SH3D21: variants seen among roughly 807,000 people sequenced by gnomAD.
The protein encoded by SH3D21 is SH3 domain-containing protein 21.
In SH3D21, 83 loss-of-function variants were observed where a neutral mutation model predicts 82.1. That is an observed-to-expected ratio of 1.01 (90% CI 0.85 to 1.21). SH3D21 has a LOEUF of 1.21. Ranked by LOEUF, SH3D21 falls within the 50% of genes most tolerant of loss-of-function variation. The probability of loss-of-function intolerance (pLI) is 0.00; values close to 1 mark genes in which losing one functional copy is unlikely to be tolerated. For missense variants in SH3D21, 980 were observed against 962.1 expected, an observed-to-expected ratio of 1.02 and a Z score of -0.25; for synonymous variants, 383 against 387.8, an observed-to-expected ratio of 0.99 and a Z score of 0.15.
chr1:36,326,600 T>C (rs1646548058), downstream of SH3D21, among the ~76,000 whole-genome samples: 1 of 152,088 alleles, frequency 6.6e-6, no homozygotes, highest in Non-Finnish European at 1.5e-5. Flanking sequence ...GTCATGGCCC[T>C]GTGACACATT....
intron 10 of SH3D21, among the ~76,000 whole-genome samples, chr1:36,314,267 G>T (rs963515386): frequency 4.0e-5 from 6 of 150,856 alleles, no homozygotes; most frequent in Non-Finnish European, 7.4e-5. Context: ...GAGCCACCGC[G>T]CCCGGCCCGA....
At position 36,307,770 on chromosome 1, in the gene SH3D21, G is replaced by A. The variant is rs1310834132; in HGVS notation, c.437G>A (p.Ser146Asn). The change falls in exon 6 of 16, where the codon AGC becomes AAC. Residue 146 changes from serine to asparagine, a missense_variant and splice_region_variant. Physicochemically the swap from Ser to Asn is conservative, Grantham distance 46 (BLOSUM62 1). Transcript: ENST00000453908. The surrounding 1 kb of genome is among the most constrained non-coding windows in gnomAD (Gnocchi z 5.4). ...FVELLDSGPP[S>N]LGNPDMPSVS... ...CCCTAACCTCACTGTCCCCCACTAG[G>A]CCTTGGTAACCCAGACATGCCTTCA... The A allele has an allele frequency of 6.4e-7, 1 of 1,551,518 alleles. No individual in the cohort carries two copies. Among genetic ancestry groups the A allele is most frequent in the East Asian group, 2.4e-5 (1 of 40,928 alleles).
At chr1:36,309,652 C>CT in intron 10 of SH3D21, 62 bp downstream of exon 10, 1 of 1,534,426 alleles carries the variant, frequency 6.5e-7, no homozygotes, top group Non-Finnish European at 8.8e-7. Flanking sequence ...AGTCCAGTTG[C>CT]TTATAAACAC....
In SH3D21 at chr1:36,306,860, C is replaced by T. The variant is rs542911105; in HGVS notation, c.181C>T (p.Arg61Trp). 8.0e-5 allele frequency: 104 copies of T among 1,297,626 alleles called. 1 individual carries two copies. In the East Asian group the frequency reaches 5.6e-3, roughly 70 times the overall value. The allele number at this position is 1,297,626 out of a possible 1,614,324, so 80.4% of individuals were successfully genotyped here. Residue 61 changes from arginine (R) to tryptophan (W), a missense_variant, in exon 3 of 16, where the codon CGG (arginine) becomes TGG (tryptophan). By Grantham distance (101) the Arg-to-Trp change is moderately radical. Transcript: ENST00000453908. This position sits in a 1 kb window ranked among gnomAD's most constrained non-coding sequence, Gnocchi z 4.5. ...RLVQEIPETL[R>W]GSGEARRPRC... Reference sequence around the variant, plus strand: ...TTCCCAGGAGATCCCAGAGACCCTGCGGGGCTCCGGAGAGGCGCGGAGGCC... The same window carrying T: ...TTCCCAGGAGATCCCAGAGACCCTGTGGGGCTCCGGAGAGGCGCGGAGGCC...
chr1:36,322,383 C>T, downstream of SH3D21: 1 of 1,594,784 alleles, frequency 6.3e-7, no homozygotes, highest in Non-Finnish European at 8.5e-7. Context: ...CTGCCCGGTG[C>T]GCCAGATCTC....
rs998862365 is a variant in SH3D21 at position 36,306,697 on chromosome 1, G to T, written c.104G>T (p.Gly35Val). The T allele has an allele frequency of 7.7e-6, 10 of 1,294,770 alleles. No homozygotes were observed. Among genetic ancestry groups the T allele is most frequent in the Non-Finnish European group, 1.0e-5 (10 of 987,762 alleles). The allele number at this position is 1,294,770 out of a possible 1,614,324, so 80.2% of individuals were successfully genotyped here. A position where few individuals can be genotyped will look rare whatever the true frequency, so the allele number is the denominator to read the frequency against. Residue 35 changes from glycine (G) to valine (V), a missense_variant, in exon 2 of 16, where the codon GGC becomes GTC. Physicochemically the swap from Gly to Val is moderately radical, Grantham distance 109. Coordinates refer to ENST00000453908, the MANE Select transcript of SH3D21 (RefSeq NM_001162530.2). The surrounding 1 kb of genome is among the most constrained non-coding windows in gnomAD (Gnocchi z 4.5). Reference protein sequence around the residue: ...VRQVRWVPARGWLRGEFGGRY... With the variant: ...VRQVRWVPARVWLRGEFGGRY... ...CAGGTGCGCTGGGTGCCCGCGCGGGGCTGGCTTCGCGGAGAGTTTGGGGGC... is the reference window on the plus strand; with the variant it reads ...CAGGTGCGCTGGGTGCCCGCGCGGGTCTGGCTTCGCGGAGAGTTTGGGGGC...
intron 10 of SH3D21, among the ~76,000 whole-genome samples, chr1:36,315,847 C>T (rs552783358): frequency 4.3e-4 from 65 of 152,330 alleles, no homozygotes; most frequent in African/African-American, 1.5e-3. Flanking sequence ...TGCTCTGTAA[C>T]CCTGTACCAG....
chr1:36,306,368 A>T lies in SH3D21; in HGVS notation c.-53A>T, dbSNP rs2124665701. The stretch of plus-strand genomic sequence containing the variant: ...CTCAGGTCGCACCCTGCGCGGGCCC[A>T]GTACTCGGCCGTCAGAGGGAGCTGC... On this transcript the variant is annotated 5_prime_UTR_variant, in exon 1 of 16. Transcript: ENST00000453908. This position sits in a 1 kb window ranked among gnomAD's most constrained non-coding sequence, Gnocchi z 4.5. 7.7e-7 allele frequency: 1 copy of T among 1,305,202 alleles called. No homozygotes were observed. The highest frequency in any genetic ancestry group is 1.0e-6 in the Non-Finnish European group (1 of 988,914). The allele number at this position is 1,305,202 out of a possible 1,614,324, so 80.9% of individuals were successfully genotyped here. A position where few individuals can be genotyped will look rare whatever the true frequency, so the allele number is the denominator to read the frequency against.
rs1231773294 is a variant in SH3D21 at position 36,312,181 on chromosome 1, C to T, written c.769+2591C>T. ...CTGGGACTACAGACGCCCGCTACCA[C>T]GCCCGGCTAATTTTTTGTATTTTTA... On this transcript the variant is annotated intron_variant, in intron 10 of 15. Coordinates refer to ENST00000453908, the MANE Select transcript of SH3D21 (RefSeq NM_001162530.2). Among the ~76,000 whole-genome samples, 6 of 152,014 alleles carry T rather than the reference C, an allele frequency of 3.9e-5. No individual in the cohort carries two copies. In the South Asian group the frequency reaches 6.2e-4, roughly 16 times the overall value.
rs1384969713 is a variant in SH3D21, at chr1:36,309,606, G to T, written c.769+16G>T. 6 of 1,551,558 alleles carry T rather than the reference G, an allele frequency of 3.9e-6. No homozygotes were observed. Among genetic ancestry groups the T allele is most frequent in the East Asian group, 4.9e-5 (2 of 40,920 alleles). ...CGGGAATCAGGTGAGTGCCCGGGGA[G>T]CCTGGGATTGGGGGGTGTTCTCTGG... On this transcript the variant is annotated intron_variant, in intron 10 of 15. Coordinates refer to ENST00000453908, the MANE Select transcript of SH3D21 (RefSeq NM_001162530.2).
downstream of SH3D21, among the ~76,000 whole-genome samples, chr1:36,325,616 CTCACTGCAAGCTCTGCCTCCCAGGT>C (rs1646534695): frequency 6.6e-6 from 1 of 152,142 alleles, no homozygotes; most frequent in Admixed American, 6.5e-5. Context: ...GCGATCTCGG[CTCACTGCAAGCTCTGCCTCCCAGGT>C]TCATGCCATT....
rs770978505 is a variant in SH3D21 at position 36,320,965 on chromosome 1, GCCGGCGGCTGGAGGTGAGGCGCGGGTC to G, written c.2194_2199+21del. On this transcript the variant is annotated splice_donor_variant and splice_donor_5th_base_variant and coding_sequence_variant and intron_variant, in exon 15 of 16. Coordinates refer to ENST00000453908, the MANE Select transcript of SH3D21 (RefSeq NM_001162530.2). LOFTEE classifies it high-confidence loss of function. ...GAGCTGAAGAGCGAGAAGGAGCAGC[GCCGGCGGCTGGAGGTGAGGCGCGGGTC>G]CCGGCGGGAGGGGGCTGACGGCGAG... 277 of 1,571,112 alleles carry G rather than the reference GCCGGCGGCTGGAGGTGAGGCGCGGGTC, an allele frequency of 1.8e-4. No homozygotes were observed. Among genetic ancestry groups the G allele is most frequent in the Admixed American group, 1.3e-4 (7 of 52,722 alleles).
In SH3D21 at chr1:36,320,817, G is replaced by T; in HGVS notation, c.2135+19G>T. The T allele has an allele frequency of 6.4e-7, 1 of 1,553,218 alleles. No homozygotes were observed. Among genetic ancestry groups the T allele is most frequent in the South Asian group, 1.2e-5 (1 of 84,802 alleles). The stretch of plus-strand genomic sequence containing the variant: ...AGCTGGAGTGAGTGGGCAGTGGCGG[G>T]GGTTGTGGAAGGTAGGGTTCCCCCT... On this transcript the variant is annotated intron_variant, in intron 14 of 15. Coordinates refer to ENST00000453908, the MANE Select transcript of SH3D21 (RefSeq NM_001162530.2).
chr1:36,318,856 C>G (rs1646389096), intron 10 of SH3D21, among the ~76,000 whole-genome samples: 2 of 151,066 alleles, frequency 1.3e-5, no homozygotes, highest in African/African-American at 4.9e-5. Context: ...TTGCAGTGAG[C>G]CGAGATCGCA....
In SH3D21 at chr1:36,307,064, G is replaced by C. The variant is rs1385606218; in HGVS notation, c.227-103G>C. On this transcript the variant is annotated intron_variant, in intron 3 of 15. Transcript: ENST00000453908. This position sits in a 1 kb window ranked among gnomAD's most constrained non-coding sequence, Gnocchi z 5.4. Reference sequence around the variant, plus strand: ...CTCGAGTGCAATGCTCCGCCCTGGGGCGGGGCTGGAGGGACCAAAGGCTAC... The same window carrying C: ...CTCGAGTGCAATGCTCCGCCCTGGGCCGGGGCTGGAGGGACCAAAGGCTAC... 9.3e-6 allele frequency: 14 copies of C among 1,499,340 alleles called. No homozygotes were observed. The highest frequency in any genetic ancestry group is 1.2e-5 in the Non-Finnish European group (14 of 1,121,008). 92.9% of individuals were successfully genotyped at this position (1,499,340 alleles called of 1,614,324 possible).
chr1:36,319,406 G>C (rs1646403158), intron 12 of SH3D21, 36 bp from the exon 13 acceptor site: 1 of 1,551,178 alleles, frequency 6.4e-7, no homozygotes, highest in Non-Finnish European at 8.7e-7. Context: ...CTGAGGGTCA[G>C]AGTAGGCTTG....
Position 36,306,589 on chromosome 1 carries a change from C to T in SH3D21, c.5-9C>T, listed in dbSNP as rs544500640. 2.4e-4 allele frequency: 319 copies of T among 1,302,776 alleles called. 4 individuals are homozygous for T. The South Asian group carries it at 3.8e-3, about 15-fold the overall frequency. The allele number at this position is 1,302,776 out of a possible 1,614,324, so 80.7% of individuals were successfully genotyped here. ...TGAGCCGCACGCCGGCCCCGTCTTC[C>T]GCCCGCAGAAGTCCTCGTCCTGGCC... On this transcript the variant is annotated splice_polypyrimidine_tract_variant and intron_variant, in intron 1 of 15. Transcript: ENST00000453908. The surrounding 1 kb of genome is among the most constrained non-coding windows in gnomAD (Gnocchi z 4.5).
chr1:36,318,254 G>T (rs1646377158), intron 10 of SH3D21, among the ~76,000 whole-genome samples: 1 of 152,160 alleles, frequency 6.6e-6, no homozygotes, highest in African/African-American at 2.4e-5. Context: ...AGGTTCAAGG[G>T]GCATGGGTTT....
rs754059381 is a variant in SH3D21, at chr1:36,319,249, A to T, written c.864-11A>T. 6.4e-7 allele frequency: 1 copy of T among 1,551,588 alleles called. No homozygotes were observed. The highest frequency in any genetic ancestry group is 1.2e-5 in the South Asian group (1 of 84,054). The stretch of plus-strand genomic sequence containing the variant: ...GCCCCACCCTGAGGGCCTGATGAAG[A>T]TATGTTCCAGGACATCTCGGACACC... On this transcript the variant is annotated splice_polypyrimidine_tract_variant and intron_variant, in intron 11 of 15. Transcript: ENST00000453908.
Sources: gnomAD v4.1 joint callset for allele counts (sites outside exome capture counted in the v4.1 genomes callset) on GRCh38, gnomAD v4.1.1 for gene constraint, Gnocchi (gnomAD v3.1) non-coding constraint, MANE v1.5 for transcripts, NCBI Gene and HGNC (gene_info 2026-07-23, HGNC 2026-07-21) for gene names.